Variants in KLHL2 observed in about 807,000 individuals in gnomAD.
The protein encoded by KLHL2 is kelch like family member 2, also known as kelch-like protein 2.
A neutral mutation model predicts 75.8 loss-of-function variants in KLHL2; 15 were observed. That is an observed-to-expected ratio of 0.20 (90% CI 0.13 to 0.30). The LOEUF is 0.30. KLHL2 is among the 10% of genes least tolerant of loss of function. KLHL2 has a pLI of 1.00. For synonymous variants in KLHL2, 214 were observed against 251.9 expected, an observed-to-expected ratio of 0.85 and a Z score of 1.42; for missense variants, 381 against 741.0, an observed-to-expected ratio of 0.51 and a Z score of 5.64.
chr4:165,239,048 C>T (rs543715833), intron 4 of KLHL2, 149 bp downstream of exon 4: 2 of 1,326,736 alleles, frequency 1.5e-6, no homozygotes, highest in Non-Finnish European at 2.0e-6. Flanking sequence ...AATGATTACA[C>T]CTTTTTAGTA....
At chr4:165,282,623 T>C (rs188278892) in intron 5 of KLHL2, among the ~76,000 whole-genome samples, 1 of 152,054 alleles carries the variant, frequency 6.6e-6, no homozygotes. Context: ...GTGCAAGCAG[T>C]GGTTGAAGGA....
chr4:165,302,115 T>C (rs1745395549), intron 8 of KLHL2, among the ~76,000 whole-genome samples: 1 of 152,224 alleles, frequency 6.6e-6, no homozygotes, highest in African/African-American at 2.4e-5. Context: ...TTCTGCTCTA[T>C]CAGGGTGGTG....
chr4:165,265,669 G>T (rs1742185775), intron 5 of KLHL2, among the ~76,000 whole-genome samples: 1 of 152,020 alleles, frequency 6.6e-6, no homozygotes, highest in East Asian at 1.9e-4. Context: ...TTTTTTAATG[G>T]TTACATAGTA....
Position 165,249,376 on chromosome 4 carries a change from G to C in KLHL2, c.381+10477G>C, listed in dbSNP as rs550135555. ...CTAGGGACTGTGTTTACATTATCCG[G>C]TGTGCATCATTCTCAGGACCTAGAT... On this transcript the variant is annotated intron_variant, in intron 4 of 14. Coordinates refer to ENST00000226725, the MANE Select transcript of KLHL2 (RefSeq NM_007246.4). Among the ~76,000 whole-genome samples, 586 of 152,236 alleles carry C rather than the reference G, an allele frequency of 3.8e-3. 2 individuals are homozygous for C. The highest frequency in any genetic ancestry group is 0.021 in the South Asian group (100 of 4,824).
chr4:165,247,025 C>A (rs143020443), intron 4 of KLHL2, among the ~76,000 whole-genome samples: 1,640 of 152,226 alleles, frequency 0.011, 23 homozygotes, highest in African/African-American at 0.035. Context: ...AATGCTAGTT[C>A]TAGAGAAGAA....
intron 3 of KLHL2, among the ~76,000 whole-genome samples, chr4:165,231,749 A>G (rs1251311118): frequency 1.3e-5 from 2 of 152,134 alleles, no homozygotes; most frequent in African/African-American, 2.4e-5. Flanking sequence ...GTGGACATAT[A>G]TTTTTATTTC....
rs1353812372 is a variant in KLHL2, at chr4:165,294,488, C to T, written c.654+20C>T. 1.5e-6 allele frequency: 2 copies of T among 1,361,236 alleles called. No homozygotes were observed. The highest frequency in any genetic ancestry group is 2.1e-6 in the Non-Finnish European group (2 of 961,992). 84.3% of individuals were successfully genotyped at this position (1,361,236 alleles called of 1,614,324 possible). ...GAGAAGGTAAGGATATTTTTCTTTTCCCAGTGTGCAATGATGTTTCCCTTT... is the reference window on the plus strand; with the variant it reads ...GAGAAGGTAAGGATATTTTTCTTTTTCCAGTGTGCAATGATGTTTCCCTTT... On this transcript the variant is annotated intron_variant, in intron 6 of 14. Coordinates refer to ENST00000226725, the MANE Select transcript of KLHL2 (RefSeq NM_007246.4).
intron 6 of KLHL2, 45 bp downstream of exon 6, chr4:165,294,513 T>TC: frequency 9.7e-7 from 1 of 1,030,280 alleles, no homozygotes; most frequent in Non-Finnish European, 1.5e-6. Flanking sequence ...TGTTTCCCTT[T>TC]TTTTTTTTTT....
In KLHL2 at chr4:165,314,107, A is replaced by G; in HGVS notation, c.1550A>G (p.Asp517Gly). The G allele has an allele frequency of 6.2e-7, 1 of 1,613,808 alleles. No homozygotes were observed. Among genetic ancestry groups the G allele is most frequent in the Non-Finnish European group, 8.5e-7 (1 of 1,179,744 alleles). The change falls in exon 13 of 15, where the codon GAT becomes GGT. Residue 517 changes from aspartate (D) to glycine (G), a missense_variant. By Grantham distance (94) the Asp-to-Gly change is moderately conservative (BLOSUM62 -1). Coordinates refer to ENST00000226725, the MANE Select transcript of KLHL2 (RefSeq NM_007246.4). ...GTACGAAAAAGTGTTGAAGTATATG[A>G]TCCCACCACTAACGCATGGAGACAG... ...PLVRKSVEVY[D>G]PTTNAWRQVA...
intron 5 of KLHL2, among the ~76,000 whole-genome samples, chr4:165,273,162 C>T (rs1473795015): frequency 6.6e-6 from 1 of 152,158 alleles, no homozygotes; most frequent in Non-Finnish European, 1.5e-5. Context: ...CTTCGTTACT[C>T]CCCTTCCCTT....
In KLHL2 at chr4:165,207,851, C is replaced by T; in HGVS notation, c.-26C>T. On this transcript the variant is annotated 5_prime_UTR_variant, in exon 1 of 15. Transcript: ENST00000226725. This position sits in a 1 kb window ranked among gnomAD's most constrained non-coding sequence, Gnocchi z 4.2. ...TGCTGGCTGTGTTGGTCGGTGCCTG[C>T]GTTCTGAAGCCCGAGAGGAGCCACA... 6.9e-7 allele frequency: 1 copy of T among 1,449,044 alleles called. No individual in the cohort carries two copies. Among genetic ancestry groups the T allele is most frequent in the Non-Finnish European group, 9.1e-7 (1 of 1,094,298 alleles). The allele number at this position is 1,449,044 out of a possible 1,614,324, so 89.8% of individuals were successfully genotyped here.
At chr4:165,293,467 A>G (rs1032169692) in intron 5 of KLHL2, among the ~76,000 whole-genome samples, 1 of 151,806 alleles carries the variant, frequency 6.6e-6, no homozygotes, top group Non-Finnish European at 1.5e-5. Flanking sequence ...TAGAATTCAG[A>G]GCTATCTATA....
At position 165,270,098 on chromosome 4, in the gene KLHL2, C is replaced by T. The variant is rs1579084956; in HGVS notation, c.544+6739C>T. ...CTTCAATCAGTGATATCCTTTCTTC[C>T]ACTTGGTCGAATCGGCTATTGACGC... On this transcript the variant is annotated intron_variant, in intron 5 of 14. Transcript: ENST00000226725. 2.0e-5 allele frequency among the ~76,000 whole-genome samples: 3 copies of T among 152,164 alleles called. No individual in the cohort carries two copies. The South Asian group carries it at 6.2e-4, about 32-fold the overall frequency.
intron 8 of KLHL2, among the ~76,000 whole-genome samples, chr4:165,304,312 T>A (rs142225357): frequency 6.6e-6 from 1 of 152,354 alleles, no homozygotes; most frequent in Non-Finnish European, 1.5e-5. Flanking sequence ...ATTTGGGATT[T>A]GCTCTCTGAT....
At chr4:165,305,581 C>T in intron 8 of KLHL2, 27 bp from the exon 9 acceptor site, 2 of 1,536,112 alleles carry the variant, frequency 1.3e-6, no homozygotes, top group Non-Finnish European at 1.8e-6. Context: ...GTCATTTGTT[C>T]AAGTGCTTAC....
intron 8 of KLHL2, 87 bp from the exon 9 acceptor site, chr4:165,305,521 T>C: frequency 9.4e-7 from 1 of 1,067,460 alleles, no homozygotes; most frequent in Non-Finnish European, 1.4e-6. Context: ...ATCCTAACAC[T>C]TCCCACACCA....
intron 5 of KLHL2, among the ~76,000 whole-genome samples, chr4:165,289,347 T>C (rs1412622670): frequency 6.6e-6 from 1 of 152,146 alleles, no homozygotes; most frequent in African/African-American, 2.4e-5. Context: ...ACATTAGATA[T>C]CAATACTTAA....
intron 3 of KLHL2, among the ~76,000 whole-genome samples, chr4:165,235,398 G>A (rs1739255510): frequency 1.3e-5 from 2 of 151,992 alleles, no homozygotes; most frequent in South Asian, 2.1e-4. Context: ...ATAGGGTTTC[G>A]CCATGTTGGC....
intron 3 of KLHL2, among the ~76,000 whole-genome samples, chr4:165,233,796 T>G (rs1395718171): frequency 6.6e-6 from 1 of 152,104 alleles, no homozygotes; most frequent in East Asian, 1.9e-4. Context: ...TGAAAAAAAT[T>G]AAATAGAATG....
Sources: gnomAD v4.1 joint callset for allele counts (sites outside exome capture counted in the v4.1 genomes callset) on GRCh38, gnomAD v4.1.1 for gene constraint, Gnocchi (gnomAD v3.1) non-coding constraint, MANE v1.5 for transcripts, NCBI Gene and HGNC (gene_info 2026-07-23, HGNC 2026-07-21) for gene names.